Variants in RFX3 observed in about 807,000 individuals in gnomAD.
RFX3 encodes the protein regulatory factor X3, also known as transcription factor RFX3.
In RFX3, 14 loss-of-function variants were observed where a neutral mutation model predicts 98.6. The observed-to-expected ratio is 0.14, with a 90% CI of 0.09 to 0.22. The LOEUF is 0.22. RFX3 is among the 10% of genes least tolerant of loss of function. The probability of loss-of-function intolerance (pLI) is 1.00; values close to 1 mark genes in which losing one functional copy is unlikely to be tolerated. For synonymous variants in RFX3, 383 were observed against 328.4 expected, an observed-to-expected ratio of 1.17 and a Z score of -1.80; for missense variants, 639 against 926.9, an observed-to-expected ratio of 0.69 and a Z score of 4.03.
Position 3,402,856 on chromosome 9 carries a change from T to G in RFX3, c.-8-7260A>C, listed in dbSNP as rs557417713. On this transcript the variant is annotated intron_variant, in intron 1 of 16. Transcript: ENST00000617270. ...CATTTAACATAAATTTAGTACAAAATGTACACAATTCCAGCTATTCTGGAG... is the reference window on the plus strand; with the variant it reads ...CATTTAACATAAATTTAGTACAAAAGGTACACAATTCCAGCTATTCTGGAG... Among the ~76,000 whole-genome samples, 15 of 151,922 alleles carry G rather than the reference T, an allele frequency of 9.9e-5. 1 individual carries two copies. Among genetic ancestry groups the G allele is most frequent in the Middle Eastern group, 3.4e-3 (1 of 294 alleles).
intron 4 of RFX3, chr9:3,323,867 T>C (rs1437453327): frequency 2.1e-5 from 4 of 194,044 alleles, no homozygotes; most frequent in Admixed American, 1.7e-4. Flanking sequence ...AATGGTAAAA[T>C]TACTGCCTCT....
At chr9:3,313,586 G>C (rs1189186985) in intron 4 of RFX3, among the ~76,000 whole-genome samples, 1 of 152,160 alleles carries the variant, frequency 6.6e-6, no homozygotes, top group Non-Finnish European at 1.5e-5. Flanking sequence ...AGCTAAAGGA[G>C]GATGTTCGAA....
At chr9:3,492,168 C>G (rs1850772246) in intron 1 of RFX3, among the ~76,000 whole-genome samples, 1 of 152,154 alleles carries the variant, frequency 6.6e-6, no homozygotes, top group Non-Finnish European at 1.5e-5. Context: ...CATGGCTATT[C>G]TACATTCAGG....
chr9:3,226,621 T>C (rs1462896066), intron 16 of RFX3, among the ~76,000 whole-genome samples: 1 of 152,212 alleles, frequency 6.6e-6, no homozygotes, highest in African/African-American at 2.4e-5. Flanking sequence ...AAGTTACCTA[T>C]TTGCCTCTGG....
intron 1 of RFX3, among the ~76,000 whole-genome samples, chr9:3,402,990 A>C (rs1841617402): frequency 6.6e-6 from 1 of 152,072 alleles, no homozygotes; most frequent in Non-Finnish European, 1.5e-5. Context: ...AGTAGAAATT[A>C]TTAATGCATA....
intron 1 of RFX3, among the ~76,000 whole-genome samples, chr9:3,492,221 G>A (rs1716324116): frequency 1.3e-5 from 2 of 152,146 alleles, no homozygotes; most frequent in South Asian, 4.1e-4. Flanking sequence ...CTTTCTCAGT[G>A]GCTCCATAAT....
chr9:3,493,851 C>A (rs552715692), intron 1 of RFX3, among the ~76,000 whole-genome samples: 2 of 151,682 alleles, frequency 1.3e-5, no homozygotes, highest in East Asian at 3.9e-4. Flanking sequence ...ACTCTTTATA[C>A]CAAAATCATA....
intron 7 of RFX3, among the ~76,000 whole-genome samples, chr9:3,279,543 A>G (rs1008806022): frequency 2.0e-5 from 3 of 151,862 alleles, no homozygotes; most frequent in African/African-American, 7.2e-5. Context: ...TTTGTCCTAC[A>G]AAGCATTTAA....
At chr9:3,477,517 G>T (rs909278504) in intron 1 of RFX3, among the ~76,000 whole-genome samples, 1 of 152,114 alleles carries the variant, frequency 6.6e-6, no homozygotes, top group Non-Finnish European at 1.5e-5. Flanking sequence ...AGCCTCCAGG[G>T]TTTCTCGTAA....
At chr9:3,439,343 A>T (rs564798344) in intron 1 of RFX3, among the ~76,000 whole-genome samples, 1 of 152,060 alleles carries the variant, frequency 6.6e-6, no homozygotes, top group African/African-American at 2.4e-5. Context: ...TGAAATAGAA[A>T]ACAGAATAAT....
intron 3 of RFX3, among the ~76,000 whole-genome samples, chr9:3,334,024 G>A (rs1157200736): frequency 6.6e-6 from 1 of 152,000 alleles, no homozygotes; most frequent in South Asian, 2.1e-4. Context: ...GAATTACTTA[G>A]TCTAAAGCAC....
chr9:3,451,076 C>T (rs987145516), intron 1 of RFX3, among the ~76,000 whole-genome samples: 5 of 151,994 alleles, frequency 3.3e-5, no homozygotes, highest in Non-Finnish European at 7.4e-5. Flanking sequence ...TGTAGGAAAG[C>T]GAAGCGCTCA....
chr9:3,405,345 A>G (rs1271929882), intron 1 of RFX3, among the ~76,000 whole-genome samples: 1 of 152,198 alleles, frequency 6.6e-6, no homozygotes, highest in Non-Finnish European at 1.5e-5. Context: ...AATAATTCCC[A>G]AATCTGTAAC....
chr9:3,257,887 T>C (rs1822343208), intron 13 of RFX3, among the ~76,000 whole-genome samples: 1 of 152,202 alleles, frequency 6.6e-6, no homozygotes, highest in African/African-American at 2.4e-5. Flanking sequence ...AATGTGATTA[T>C]TGCAATTTTC....
chr9:3,222,604 G>C lies in RFX3; in HGVS notation c.*2438C>G, dbSNP rs1006395152. ...ACTCAAAGGATGGCGGGTAGAGACAGGAAACTGAAAAAATTCAGAAAGGAG... is the reference window on the plus strand; with the variant it reads ...ACTCAAAGGATGGCGGGTAGAGACACGAAACTGAAAAAATTCAGAAAGGAG... On this transcript the variant is annotated 3_prime_UTR_variant, in exon 17 of 17. Coordinates refer to ENST00000617270, the MANE Select transcript of RFX3 (RefSeq NM_001282116.2). 8 of 152,140 alleles carry C rather than the reference G, an allele frequency of 5.3e-5. No individual in the cohort carries two copies. The highest frequency in any genetic ancestry group is 1.9e-4 in the African/African-American group (8 of 41,436). The allele number at this position is 152,140 out of a possible 1,614,324, so 9.4% of individuals were successfully genotyped here.
intron 2 of RFX3, among the ~76,000 whole-genome samples, chr9:3,377,097 C>T (rs1397109888): frequency 5.3e-5 from 8 of 152,134 alleles, no homozygotes; most frequent in African/African-American, 9.7e-5. Flanking sequence ...TTACTGGGTA[C>T]ATACCCAAAG....
At chr9:3,469,438 A>G (rs1848585165) in intron 1 of RFX3, among the ~76,000 whole-genome samples, 1 of 152,210 alleles carries the variant, frequency 6.6e-6, no homozygotes, top group African/African-American at 2.4e-5. Flanking sequence ...AATATTTTCA[A>G]TAAGTCAAAG....
At chr9:3,493,487 A>G (rs1184724030) in intron 1 of RFX3, among the ~76,000 whole-genome samples, 1 of 151,886 alleles carries the variant, frequency 6.6e-6, no homozygotes, top group Non-Finnish European at 1.5e-5. Flanking sequence ...GATCGAGACC[A>G]TTCTGGCTAA....
intron 1 of RFX3, among the ~76,000 whole-genome samples, chr9:3,406,444 G>C (rs1841981633): frequency 6.6e-6 from 1 of 151,608 alleles, no homozygotes; most frequent in East Asian, 1.9e-4. Context: ...TGTCCTCCTG[G>C]TATTCCTATA....
Sources: allele counts gnomAD v4.1 joint callset (sites outside exome capture counted in the v4.1 genomes callset), GRCh38; gene constraint gnomAD v4.1.1; transcripts MANE v1.5; gene names NCBI Gene and HGNC (gene_info 2026-07-23, HGNC 2026-07-21).